GPAM: variants seen among roughly 807,000 people sequenced by gnomAD.
GPAM encodes the protein glycerol-3-phosphate acyltransferase 1, mitochondrial.
GPAM carries 56 observed loss-of-function variants against 105.0 expected under a neutral mutation model. The observed-to-expected ratio is 0.53, with a 90% CI of 0.43 to 0.67. The LOEUF (loss-of-function observed/expected upper bound fraction) is 0.67, where lower values mean the gene tolerates loss of function less well. GPAM is among the 30% of genes least tolerant of loss of function. GPAM has a pLI of 0.00. For synonymous variants in GPAM, 368 were observed against 354.4 expected (o/e 1.04, Z -0.43); for missense variants, 855 against 989.8 (o/e 0.86, Z 1.83).
intron 1 of GPAM, among the ~76,000 whole-genome samples, chr10:112,206,829 AAT>A (rs1491124026): frequency 7.3e-4 from 104 of 142,384 alleles, no homozygotes; most frequent in Middle Eastern, 3.6e-3. Context: ...TAAAAAAAAA[AAT>A]TTAAAAAAAA....
At position 112,175,597 on chromosome 10, in the gene GPAM, T is replaced by C; in HGVS notation, c.413+3A>G. The C allele has an allele frequency of 6.6e-7, 1 of 1,521,274 alleles. No individual in the cohort carries two copies. Among genetic ancestry groups the C allele is most frequent in the Non-Finnish European group, 9.1e-7 (1 of 1,095,256 alleles). The allele number at this position is 1,521,274 out of a possible 1,614,324, so 94.2% of individuals were successfully genotyped here. A position where few individuals can be genotyped will look rare whatever the true frequency, so the allele number is the denominator to read the frequency against. On this transcript the variant is annotated splice_donor_region_variant and intron_variant, in intron 6 of 21. Transcript: ENST00000348367. ...CCACCTTTACACCTTGCCCCGCCCT[T>C]ACCTACTGCTGTTCAGCACATTTTC...
In GPAM at chr10:112,159,168, C is replaced by T. The variant is rs139176742; in HGVS notation, c.1902+743G>A. ...ATAAATGCTCATTAGTACTGCTGGG[C>T]TTGGTTTTCCTCATTTGTAAATTGA... On this transcript the variant is annotated intron_variant, in intron 17 of 21. Transcript: ENST00000348367. 4.7e-5 allele frequency among the ~76,000 whole-genome samples: 7 copies of T among 147,730 alleles called. No individual in the cohort carries two copies. In the East Asian group the frequency reaches 1.4e-3, roughly 29 times the overall value.
At chr10:112,174,515 A>G (rs1486317299) in intron 6 of GPAM, among the ~76,000 whole-genome samples, 1 of 152,232 alleles carries the variant, frequency 6.6e-6, no homozygotes, top group African/African-American at 2.4e-5. Flanking sequence ...CACTTCTAAC[A>G]TCCCAGTTAC....
In GPAM at chr10:112,159,882, C is replaced by T. The variant is rs768324301; in HGVS notation, c.1902+29G>A. On this transcript the variant is annotated intron_variant, in intron 17 of 21. Transcript: ENST00000348367. The stretch of plus-strand genomic sequence containing the variant: ...TCATGAAAACGCTCAAGAAAAGAGA[C>T]CAGGCAACACTGAAGGGTCTTCACT... The T allele has an allele frequency of 5.6e-5, 90 of 1,610,466 alleles. 1 individual carries two copies. The South Asian group carries it at 8.0e-4, about 14-fold the overall frequency.
chr10:112,185,487 TA>T (rs35521996), upstream of GPAM, among the ~76,000 whole-genome samples: 63 of 140,050 alleles, frequency 4.5e-4, no homozygotes, highest in African/African-American at 1.2e-3. Context: ...GAAAAATCTT[TA>T]AAAAAAAAAA....
rs1846891664 is a variant in GPAM at position 112,150,293 on chromosome 10, A to G, written c.*3257T>C. ...TGGATAAAAATCTGCATTCAAACGT[A>G]CAATACTTTCTTCTAGATCTGAATT... On this transcript the variant is annotated 3_prime_UTR_variant, in exon 22 of 22. Transcript: ENST00000348367. The G allele has an allele frequency of 1.0e-6, 1 of 985,094 alleles. No homozygotes were observed. Among genetic ancestry groups the G allele is most frequent in the Non-Finnish European group, 1.2e-6 (1 of 829,452 alleles). 61.0% of individuals were successfully genotyped at this position (985,094 alleles called of 1,614,324 possible).
chr10:112,164,120 T>C (rs991851017), intron 13 of GPAM, among the ~76,000 whole-genome samples: 12 of 152,216 alleles, frequency 7.9e-5, no homozygotes, highest in African/African-American at 2.9e-4. Flanking sequence ...CACTTCCACA[T>C]ATTAAAGGAA....
intron 10 of GPAM, 145 bp downstream of exon 10, chr10:112,168,708 C>T: frequency 1.4e-6 from 1 of 738,540 alleles, no homozygotes; most frequent in Admixed American, 2.1e-5. Flanking sequence ...ACAACAACAA[C>T]AACAACAAAT....
Position 112,204,002 on chromosome 10 carries a change from T to C in GPAM, n.210+11166A>G, listed in dbSNP as rs540802027. Reference sequence around the variant, plus strand: ...CACTGTGACATGAGGCCTCTCTCTATGCCAGGCTACCAAACACCAAGGTGT... The same window carrying C: ...CACTGTGACATGAGGCCTCTCTCTACGCCAGGCTACCAAACACCAAGGTGT... On this transcript the variant is annotated intron_variant and non_coding_transcript_variant, in intron 1 of 3. Coordinates refer to the GPAM transcript ENST00000480130. 2.0e-5 allele frequency among the ~76,000 whole-genome samples: 3 copies of C among 152,302 alleles called. No homozygotes were observed. In the East Asian group the frequency reaches 5.8e-4, roughly 29 times the overall value.
chr10:112,160,759 T>C lies in GPAM; in HGVS notation c.1604A>G (p.His535Arg), dbSNP rs756048386. 1.2e-6 allele frequency: 2 copies of C among 1,614,116 alleles called. No homozygotes were observed. Among genetic ancestry groups the C allele is most frequent in the South Asian group, 1.1e-5 (1 of 91,080 alleles). ...ACAATTTCCCAGCAGCTGTATGGCATGCATTACTACATCTTCTGAATTTCC... is the reference window on the plus strand; with the variant it reads ...ACAATTTCCCAGCAGCTGTATGGCACGCATTACTACATCTTCTGAATTTCC... ...FSGNSEDVVM[H>R]AIQLLGNCVT... is the part of the protein sequence containing the mutation. The change falls in exon 16 of 22, where the codon CAT (histidine) becomes CGT (arginine). Residue 535 changes from histidine (H) to arginine (R), a missense_variant. Coordinates refer to ENST00000348367, the MANE Select transcript of GPAM (RefSeq NM_001244949.2).
chr10:112,224,266 A>C, the GPAM span, among the ~76,000 whole-genome samples: 5 of 152,250 alleles, frequency 3.3e-5, no homozygotes, highest in African/African-American at 1.2e-4. Flanking sequence ...TTTAAGTAAT[A>C]ATAAGTTAAA....
chr10:112,151,902 A>T lies in GPAM; in HGVS notation c.*1648T>A. On this transcript the variant is annotated 3_prime_UTR_variant, in exon 22 of 22. Coordinates refer to ENST00000348367, the MANE Select transcript of GPAM (RefSeq NM_001244949.2). ...CTCATTCAACATCAGAGCTACTACA[A>T]CTGACAATGACTTCATGGTATACAT... 1 of 976,312 alleles carries T rather than the reference A, an allele frequency of 1.0e-6. No homozygotes were observed. The highest frequency in any genetic ancestry group is 1.2e-6 in the Non-Finnish European group (1 of 821,618). The allele number at this position is 976,312 out of a possible 1,614,324, so 60.5% of individuals were successfully genotyped here.
At chr10:112,211,942 T>C (rs1010234842) in intron 1 of GPAM, among the ~76,000 whole-genome samples, 1 of 152,212 alleles carries the variant, frequency 6.6e-6, no homozygotes, top group African/African-American at 2.4e-5. Context: ...TTAGACTTTT[T>C]CAAACATGAT....
At chr10:112,212,811 G>A (rs1456095801) in intron 1 of GPAM, among the ~76,000 whole-genome samples, 1 of 152,190 alleles carries the variant, frequency 6.6e-6, no homozygotes, top group Non-Finnish European at 1.5e-5. Flanking sequence ...TATGAGATCA[G>A]CCAGGGCAAA....
At chr10:112,168,224 T>A (rs1409218843) in intron 11 of GPAM, 88 bp downstream of exon 11, 2 of 809,822 alleles carry the variant, frequency 2.5e-6, no homozygotes, top group Admixed American at 1.9e-5. Context: ...CCAAAAAAAA[T>A]TCTTAATTCT....
rs1847091133 is a variant in GPAM, at chr10:112,159,919, TGGTG to T, written c.1890_1893del (p.Thr631SerfsTer16). 1 of 1,613,682 alleles carries T rather than the reference TGGTG, an allele frequency of 6.2e-7. No individual in the cohort carries two copies. Among genetic ancestry groups the T allele is most frequent in the Non-Finnish European group, 8.5e-7 (1 of 1,179,782 alleles). ...GAAGGGTCTTCACTCACCAGTGAGA[TGGTG>T]CCTTCATTGGAGAGAAGGTAGCACA... On this transcript the variant is annotated frameshift_variant, in exon 17 of 22. Transcript: ENST00000348367. LOFTEE classifies it high-confidence loss of function.
chr10:112,168,872 T>C lies in GPAM; in HGVS notation c.875A>G (p.Tyr292Cys). ...ETPDGRKDVLYRALLHGHIVE... is the reference protein window; with the variant it reads ...ETPDGRKDVLCRALLHGHIVE... ...ACATACCCCATGGAGCAAAGCTCTA[T>C]AGAGAACATCTTTCCGTCCATCTGG... The change falls in exon 10 of 22, where the codon TAT becomes TGT. Residue 292 changes from tyrosine (Y) to cysteine (C), a missense_variant. Physicochemically the swap from Tyr to Cys is radical, Grantham distance 194. Transcript: ENST00000348367. The C allele has an allele frequency of 6.2e-7, 1 of 1,605,122 alleles. No individual in the cohort carries two copies. The highest frequency in any genetic ancestry group is 8.5e-7 in the Non-Finnish European group (1 of 1,171,798).
chr10:112,224,635 G>A, the GPAM span, among the ~76,000 whole-genome samples: 1 of 152,014 alleles, frequency 6.6e-6, no homozygotes, highest in Non-Finnish European at 1.5e-5. Context: ...TGTGTTTTGG[G>A]AAGGCAACCT....
chr10:112,155,849 A>T lies in GPAM; in HGVS notation c.2311+15T>A. 6.8e-7 allele frequency: 1 copy of T among 1,464,636 alleles called. No homozygotes were observed. The highest frequency in any genetic ancestry group is 9.5e-7 in the Non-Finnish European group (1 of 1,049,108). 90.7% of individuals were successfully genotyped at this position (1,464,636 alleles called of 1,614,324 possible). A position where few individuals can be genotyped will look rare whatever the true frequency, so the allele number is the denominator to read the frequency against. Reference sequence around the variant, plus strand: ...AAAAAAAGATTTTAAAAGAATAAATAGTGACTTAACATACCATATACTGCA... The same window carrying T: ...AAAAAAAGATTTTAAAAGAATAAATTGTGACTTAACATACCATATACTGCA... On this transcript the variant is annotated intron_variant, in intron 20 of 21. Transcript: ENST00000348367.
Sources: allele counts gnomAD v4.1 joint callset (sites outside exome capture counted in the v4.1 genomes callset), GRCh38; gene constraint gnomAD v4.1.1; transcripts MANE v1.5; gene names NCBI Gene and HGNC (gene_info 2026-07-23, HGNC 2026-07-21).